The following NIPBL variants were observed in gnomAD, a reference collection of about 807,000 sequenced individuals.
NIPBL encodes the protein NIPBL cohesin loading factor, also known as nipped-B-like protein.
In NIPBL, 19 loss-of-function variants were observed where a neutral mutation model predicts 321.8. The observed-to-expected ratio is 0.06, with a 90% CI of 0.04 to 0.09. The LOEUF (loss-of-function observed/expected upper bound fraction) is 0.09, where lower values mean the gene tolerates loss of function less well. Ranked by LOEUF, NIPBL falls within the 10% of genes least tolerant of loss-of-function variation. NIPBL has a pLI of 1.00. For missense variants in NIPBL, 2,210 were observed against 3,327.0 expected, an observed-to-expected ratio of 0.66 and a Z score of 8.26; for synonymous variants, 1,106 against 1,114.1, an observed-to-expected ratio of 0.99 and a Z score of 0.14.
At chr5:37,015,844 T>C (rs1049159057) in intron 22 of NIPBL, among the ~76,000 whole-genome samples, 194 bp from the exon 23 acceptor site, 2 of 152,222 alleles carry the variant, frequency 1.3e-5, no homozygotes, top group Non-Finnish European at 2.9e-5. Context: ...ATGAATTCCC[T>C]ATAATTAAGG....
intron 38 of NIPBL, among the ~76,000 whole-genome samples, chr5:37,046,630 C>T (rs1467879016): frequency 6.6e-6 from 1 of 152,168 alleles, no homozygotes. Flanking sequence ...GATCAGTCTA[C>T]ACTGACTTAT....
At chr5:37,019,155 T>A (rs564102392) in intron 24 of NIPBL, among the ~76,000 whole-genome samples, 156 bp from the exon 25 acceptor site, 1 of 152,346 alleles carries the variant, frequency 6.6e-6, no homozygotes, top group East Asian at 1.9e-4. Flanking sequence ...ATAATATTTT[T>A]CGGAAATAAT....
In NIPBL at chr5:37,066,296, C is replaced by T. The variant is rs1755334323; in HGVS notation, c.*1404C>T. ...TTTTAAATCACTTTGAAAAAATTGA[C>T]CTCCAGAATGCTGTTTTATGAAATT... On this transcript the variant is annotated 3_prime_UTR_variant, in exon 47 of 47. Transcript: ENST00000282516. The T allele has an allele frequency of 6.6e-6, 1 of 152,048 alleles. No individual in the cohort carries two copies. Among genetic ancestry groups the T allele is most frequent in the African/African-American group, 2.4e-5 (1 of 41,420 alleles). 9.4% of individuals were successfully genotyped at this position (152,048 alleles called of 1,614,324 possible).
At position 37,007,401 on chromosome 5, in the gene NIPBL, A is replaced by G; in HGVS notation, c.4166A>G (p.Lys1389Arg). 6.8e-6 allele frequency: 11 copies of G among 1,611,912 alleles called. No individual in the cohort carries two copies. Among genetic ancestry groups the G allele is most frequent in the Non-Finnish European group, 8.5e-6 (10 of 1,178,428 alleles). ...AGAGTAATAGTAATGCTTTATAACA[A>G]AGTTTGTGACATTGTTAGCAGCTTA... ...KQRVIVMLYN[K>R]VCDIVSSLSE... The change falls in exon 18 of 47, where the codon AAA becomes AGA. Residue 1389 changes from lysine to arginine, a missense_variant. By Grantham distance (26) the Lys-to-Arg change is conservative. Coordinates refer to ENST00000282516, the MANE Select transcript of NIPBL (RefSeq NM_133433.4).
At chr5:36,998,357 G>T (rs1746387251) in intron 11 of NIPBL, among the ~76,000 whole-genome samples, 2 of 151,676 alleles carry the variant, frequency 1.3e-5, no homozygotes, top group Admixed American at 6.6e-5. Flanking sequence ...AGATTTACAA[G>T]ATCTGTGGAT....
At chr5:37,034,781 G>A (rs549871006) in intron 32 of NIPBL, among the ~76,000 whole-genome samples, 2 of 152,260 alleles carry the variant, frequency 1.3e-5, no homozygotes, top group South Asian at 4.2e-4. Context: ...GAGCACATTG[G>A]GAGCTACAAG....
chr5:37,061,080 G>A lies in NIPBL; in HGVS notation c.7860+62G>A. 2.5e-6 allele frequency: 3 copies of A among 1,210,952 alleles called. No homozygotes were observed. In the South Asian group the frequency reaches 3.7e-5, roughly 15 times the overall value. 75.0% of individuals were successfully genotyped at this position (1,210,952 alleles called of 1,614,324 possible). ...GGGCTTTTTTGACAAGTAAATGTGG[G>A]GGGCCGGTGGGGAGATAACTATCTC... On this transcript the variant is annotated intron_variant, in intron 45 of 46. Coordinates refer to ENST00000282516, the MANE Select transcript of NIPBL (RefSeq NM_133433.4).
In NIPBL at chr5:36,928,000, T is replaced by A. The variant is rs537495289; in HGVS notation, c.-79-25618T>A. On this transcript the variant is annotated intron_variant, in intron 1 of 46. Coordinates refer to ENST00000282516, the MANE Select transcript of NIPBL (RefSeq NM_133433.4). The stretch of plus-strand genomic sequence containing the variant: ...CCCGGCTGCAGTGATTTTTTTTTTT[T>A]AAATTTTCTACCACTTTCTTTCAAT... Among the ~76,000 whole-genome samples, 515 of 152,036 alleles carry A rather than the reference T, an allele frequency of 3.4e-3. 2 individuals carry two copies. The highest frequency in any genetic ancestry group is 5.5e-3 in the Non-Finnish European group (371 of 67,954).
At chr5:37,049,866 G>C (rs1247624526) in intron 40 of NIPBL, among the ~76,000 whole-genome samples, 1 of 152,162 alleles carries the variant, frequency 6.6e-6, no homozygotes, top group Admixed American at 6.5e-5. Context: ...GAGCACCATA[G>C]GCTACAAAAG....
At chr5:36,905,031 C>T (rs988176177) in intron 1 of NIPBL, among the ~76,000 whole-genome samples, 1 of 152,068 alleles carries the variant, frequency 6.6e-6, no homozygotes, top group Non-Finnish European at 1.5e-5. Context: ...ATGAGAATTC[C>T]AGTGATGCAA....
At chr5:36,916,643 C>A (rs1748479949) in intron 1 of NIPBL, among the ~76,000 whole-genome samples, 1 of 152,002 alleles carries the variant, frequency 6.6e-6, no homozygotes, top group Non-Finnish European at 1.5e-5. Context: ...AATGCTATCC[C>A]TCCCCACTCC....
intron 1 of NIPBL, among the ~76,000 whole-genome samples, chr5:36,949,120 C>G (rs1740003169): frequency 6.6e-6 from 1 of 151,806 alleles, no homozygotes; most frequent in Non-Finnish European, 1.5e-5. Flanking sequence ...ATCCTCACAA[C>G]AAAATTTAAT....
chr5:36,925,288 G>A lies in NIPBL; in HGVS notation c.-79-28330G>A, dbSNP rs558424940. On this transcript the variant is annotated intron_variant, in intron 1 of 46. Coordinates refer to ENST00000282516, the MANE Select transcript of NIPBL (RefSeq NM_133433.4). ...AATTCATTACTTTTTTTTTTTTTGA[G>A]ATGGATTTTCACTCTTGTTGCCCAG... 2.9e-5 allele frequency among the ~76,000 whole-genome samples: 4 copies of A among 135,674 alleles called. No individual in the cohort carries two copies. In the South Asian group the frequency reaches 9.3e-4, roughly 31 times the overall value. 89.0% of individuals were successfully genotyped at this position (135,674 alleles called of 152,430 possible). A position where few individuals can be genotyped will look rare whatever the true frequency, so the allele number is the denominator to read the frequency against.
chr5:37,047,602 T>C (rs1256403792), intron 38 of NIPBL, among the ~76,000 whole-genome samples: 3 of 152,200 alleles, frequency 2.0e-5, no homozygotes, highest in African/African-American at 7.2e-5. Flanking sequence ...GCAAAACTAA[T>C]AGTGTTACAA....
chr5:37,050,583 A>G (rs1753432583), intron 40 of NIPBL, among the ~76,000 whole-genome samples: 1 of 151,980 alleles, frequency 6.6e-6, no homozygotes, highest in Admixed American at 6.6e-5. Flanking sequence ...ATTTTGCCAC[A>G]ATTGCTTTCT....
intron 1 of NIPBL, among the ~76,000 whole-genome samples, chr5:36,924,831 C>T (rs189274559): frequency 2.1e-3 from 324 of 152,306 alleles, no homozygotes; most frequent in African/African-American, 7.1e-3. Flanking sequence ...CCACCCCAGA[C>T]GTTTCCATTT....
rs545904109 is a variant in NIPBL, at chr5:36,947,485, T to C, written c.-79-6133T>C. On this transcript the variant is annotated intron_variant, in intron 1 of 46. Transcript: ENST00000282516. Reference sequence around the variant, plus strand: ...GATGTGGAAAAAGATATCAACATTATGTAAGAAACTCCCTTGCAGGCTCCA... The same window carrying C: ...GATGTGGAAAAAGATATCAACATTACGTAAGAAACTCCCTTGCAGGCTCCA... Among the ~76,000 whole-genome samples the C allele has an allele frequency of 3.3e-5, 5 of 152,184 alleles. No homozygotes were observed. The East Asian group carries it at 7.7e-4, about 23-fold the overall frequency.
rs1189514039 is a variant in NIPBL at position 37,045,574 on chromosome 5, G to C, written c.6475G>C (p.Glu2159Gln). The C allele has an allele frequency of 6.2e-7, 1 of 1,613,864 alleles. No homozygotes were observed. The highest frequency in any genetic ancestry group is 8.5e-7 in the Non-Finnish European group (1 of 1,179,996). ...ATGTCGGCATTTTGATTTTGATCTGGAAGATTTTAAAGGCAACAGCAAGGT... is the reference window on the plus strand; with the variant it reads ...ATGTCGGCATTTTGATTTTGATCTGCAAGATTTTAAAGGCAACAGCAAGGT... Reference protein sequence around the residue: ...ALCRHFDFDLEDFKGNSKVNI... With the variant: ...ALCRHFDFDLQDFKGNSKVNI... Residue 2159 changes from glutamate to glutamine, a missense_variant, in exon 37 of 47, where the codon GAA becomes CAA. Physicochemically the swap from Glu to Gln is conservative, Grantham distance 29. This residue lies in a region of NIPBL where 73 missense variants were observed against 222.3 expected (regional missense o/e 0.33). Transcript: ENST00000282516.
At chr5:36,988,381 T>C (rs1474721878) in intron 10 of NIPBL, among the ~76,000 whole-genome samples, 1 of 152,170 alleles carries the variant, frequency 6.6e-6, no homozygotes, top group African/African-American at 2.4e-5. Flanking sequence ...TATATTAATG[T>C]AACTGCAATT....
Sources: gnomAD v4.1 joint callset for allele counts (sites outside exome capture counted in the v4.1 genomes callset) on GRCh38, gnomAD v4.1.1 for gene constraint, gnomAD v4.1.1 regional missense constraint, MANE v1.5 for transcripts, NCBI Gene and HGNC (gene_info 2026-07-23, HGNC 2026-07-21) for gene names.